LRRC74B: variants seen among roughly 807,000 people sequenced by gnomAD.
LRRC74B encodes leucine rich repeat containing 74B, also known as leucine-rich repeat-containing protein 74B.
Under a neutral mutation model 16.6 loss-of-function variants are expected in LRRC74B, and 30 were observed. The observed-to-expected ratio is 1.80, with a 90% confidence interval of 1.35 to 2.45. The LOEUF is 2.45. Ranked by LOEUF, LRRC74B falls within the 30% of genes most tolerant of loss-of-function variation. LRRC74B has a pLI of 0.00. For synonymous variants in LRRC74B, 134 were observed against 86.0 expected, an observed-to-expected ratio of 1.56 and a Z score of -3.09; for missense variants, 326 against 202.4, an observed-to-expected ratio of 1.61 and a Z score of -3.71.
downstream of LRRC74B, among the ~76,000 whole-genome samples, chr22:21,060,806 A>G (rs887008625): frequency 7.2e-5 from 11 of 152,172 alleles, no homozygotes; most frequent in Non-Finnish European, 1.3e-4. Context: ...ATGCCCAAGC[A>G]AGTCCCTGCC....
chr22:21,048,253 C>T, intron 3 of LRRC74B: 1 of 518,994 alleles, frequency 1.9e-6, no homozygotes, highest in South Asian at 2.0e-5. Context: ...CCCTCCCTTG[C>T]TGGCCAGCAT....
chr22:21,049,618 G>C (rs1193230040), intron 4 of LRRC74B, among the ~76,000 whole-genome samples: 1 of 151,420 alleles, frequency 6.6e-6, no homozygotes, highest in Non-Finnish European at 1.5e-5. Flanking sequence ...CAGAGGGAGA[G>C]CATTGCAAGC....
At position 21,048,928 on chromosome 22, in the gene LRRC74B, C is replaced by T. The variant is rs186938032; in HGVS notation, c.416-23C>T. The T allele has an allele frequency of 7.1e-4, 509 of 713,704 alleles. 1 individual carries two copies. The highest frequency in any genetic ancestry group is 6.8e-3 in the African/African-American group (391 of 57,270). The allele number at this position is 713,704 out of a possible 1,614,324, so 44.2% of individuals were successfully genotyped here. ...GTGCCTGGCTTTGCATCCCACTGGC[C>T]GAGGAGTGGTTCTGTCCCCCAGATG... On this transcript the variant is annotated intron_variant, in intron 3 of 8. Transcript: ENST00000442047.
At chr22:21,048,197 G>A (rs1038697589) in intron 3 of LRRC74B, 181 bp downstream of exon 3, 8 of 595,968 alleles carry the variant, frequency 1.3e-5, no homozygotes, top group Admixed American at 2.7e-5. Flanking sequence ...CTGTGCAGCC[G>A]ATGCCTGATA....
chr22:21,057,809 A>G (rs1239332549), intron 8 of LRRC74B, among the ~76,000 whole-genome samples: 5 of 143,068 alleles, frequency 3.5e-5, no homozygotes, highest in Admixed American at 1.4e-4. Flanking sequence ...GGGGCTTGCT[A>G]TGTTGCCCAG....
chr22:21,055,278 T>G, intron 7 of LRRC74B, 102 bp downstream of exon 7: 1 of 664,878 alleles, frequency 1.5e-6, no homozygotes, highest in Non-Finnish European at 2.8e-6. Flanking sequence ...AGCAGGCAGG[T>G]GCACACAGGC....
chr22:21,051,774 C>G (rs1405449803), intron 4 of LRRC74B, among the ~76,000 whole-genome samples: 1 of 152,192 alleles, frequency 6.6e-6, no homozygotes, highest in African/African-American at 2.4e-5. Flanking sequence ...CACTGGCTTC[C>G]CCCTCCCCAG....
chr22:21,046,675 C>T (rs1053492169), intron 1 of LRRC74B, among the ~76,000 whole-genome samples: 14 of 151,926 alleles, frequency 9.2e-5, no homozygotes, highest in African/African-American at 2.2e-4. Context: ...CTCTGTCACC[C>T]GGGCGTCAGT....
chr22:21,055,740 C>G (rs904470797), intron 7 of LRRC74B, among the ~76,000 whole-genome samples: 2 of 152,180 alleles, frequency 1.3e-5, no homozygotes, highest in African/African-American at 4.8e-5. Context: ...CGGCCCTCAG[C>G]TCCCCACCCT....
chr22:21,057,412 G>A (rs141644022), intron 8 of LRRC74B, among the ~76,000 whole-genome samples: 46 of 152,192 alleles, frequency 3.0e-4, no homozygotes, highest in Admixed American at 6.5e-4. Context: ...GATCTCACCT[G>A]GGGCACCTGC....
chr22:21,057,301 C>G (rs1930592697), intron 8 of LRRC74B, 101 bp downstream of exon 8: 2 of 662,932 alleles, frequency 3.0e-6, no homozygotes, highest in Non-Finnish European at 5.5e-6. Flanking sequence ...ATCAAGAGCC[C>G]TGCCCAGTTA....
At position 21,055,127 on chromosome 22, in the gene LRRC74B, T is replaced by C. The variant is rs562272591; in HGVS notation, c.878T>C (p.Leu293Pro). 43 of 717,340 alleles carry C rather than the reference T, an allele frequency of 6.0e-5. No individual in the cohort carries two copies. The East Asian group carries it at 1.1e-3, about 18-fold the overall frequency. 44.4% of individuals were successfully genotyped at this position (717,340 alleles called of 1,614,324 possible). The stretch of plus-strand genomic sequence containing the variant: ...AACCGCATCTCTGCGATGGGAGCCC[T>C]GAGCCTGGGCCTGGGCCTCCGGGTC... The change falls in exon 7 of 9, where the codon CTG (leucine) becomes CCG (proline). Residue 293 changes from leucine to proline, a missense_variant. By Grantham distance (98) the Leu-to-Pro change is moderately conservative. Transcript: ENST00000442047.
chr22:21,060,465 G>A (rs1259904907), exon 9 of LRRC74B: 2 of 716,742 alleles, frequency 2.8e-6, no homozygotes, highest in Admixed American at 2.0e-5. Context: ...CTTGCAGAGT[G>A]GAGTATAAAA....
intron 6 of LRRC74B, among the ~76,000 whole-genome samples, chr22:21,054,179 G>A (rs143587845): frequency 6.6e-6 from 1 of 152,170 alleles, no homozygotes; most frequent in Non-Finnish European, 1.5e-5. Flanking sequence ...TCTAAAAATT[G>A]TCCATTTCCG....
rs532357428 is a variant in LRRC74B, at chr22:21,047,481, C to T, written c.265C>T (p.Arg89Cys). 1.5e-4 allele frequency: 111 copies of T among 717,444 alleles called. 1 individual carries two copies. The highest frequency in any genetic ancestry group is 2.4e-4 in the Non-Finnish European group (91 of 385,064). 44.4% of individuals were successfully genotyped at this position (717,444 alleles called of 1,614,324 possible). A position where few individuals can be genotyped will look rare whatever the true frequency, so the allele number is the denominator to read the frequency against. ...CGCCCAAGAGCTGAACCTCCGGCAC[C>T]GTGGCCTGGGGCCCCAGGTACCACT... is the stretch of plus-strand genomic sequence containing the variant. The change falls in exon 2 of 9, where the codon CGT becomes TGT. Residue 89 changes from arginine to cysteine, a missense_variant. Transcript: ENST00000442047.
At chr22:21,053,336 T>C (rs2148152327) in intron 5 of LRRC74B, 24 bp from the exon 6 acceptor site, 1 of 715,082 alleles carries the variant, frequency 1.4e-6, no homozygotes, top group Non-Finnish European at 2.6e-6. Context: ...TGGGGTCCCA[T>C]GACTTCACTC....
At chr22:21,048,674 T>C (rs1198806845) in intron 3 of LRRC74B, 8 of 457,464 alleles carry the variant, frequency 1.7e-5, no homozygotes, top group Non-Finnish European at 3.2e-5. Flanking sequence ...GATGCAGCCA[T>C]CGACGGTATA....
At chr22:21,057,758 C>T (rs1930619540) in intron 8 of LRRC74B, among the ~76,000 whole-genome samples, 1 of 141,136 alleles carries the variant, frequency 7.1e-6, no homozygotes, top group Admixed American at 7.3e-5. Context: ...GCTGGAAGTA[C>T]AGGTACAGGT....
rs1256300005 is a variant in LRRC74B, at chr22:21,060,377, T to G, written c.1028T>G (p.Ile343Ser). The G allele has an allele frequency of 4.2e-6, 3 of 713,258 alleles. No homozygotes were observed. In the Admixed American group the frequency reaches 6.1e-5, roughly 15 times the overall value. The allele number at this position is 713,258 out of a possible 1,614,324, so 44.2% of individuals were successfully genotyped here. Reference sequence around the variant, plus strand: ...TTGTAATGGGTGTCTCCTTAGGATATCCAGGTGAACGCAGAGTTTGATGGC... The same window carrying G: ...TTGTAATGGGTGTCTCCTTAGGATAGCCAGGTGAACGCAGAGTTTGATGGC... The change falls in exon 9 of 9, where the codon ATC becomes AGC. Residue 343 changes from isoleucine to serine, a missense_variant. By Grantham distance (142) the Ile-to-Ser change is moderately radical (BLOSUM62 -2). Transcript: ENST00000442047.
Sources: gnomAD v4.1 joint callset for allele counts (sites outside exome capture counted in the v4.1 genomes callset) on GRCh38, gnomAD v4.1.1 for gene constraint, MANE v1.5 for transcripts, NCBI Gene and HGNC (gene_info 2026-07-23, HGNC 2026-07-21) for gene names.